PRSS55: variants seen among roughly 807,000 people sequenced by gnomAD.
PRSS55 encodes the protein serine protease 55, also known as probable serine protease UNQ9391/PRO34284.
A neutral mutation model predicts 23.6 loss-of-function variants in PRSS55; 41 were observed. The ratio of observed to expected loss-of-function variants is 1.74; its 90% confidence interval spans 1.35 to 2.26. PRSS55 has a LOEUF of 2.26. Ranked by LOEUF, PRSS55 falls within the 30% of genes most tolerant of loss-of-function variation. PRSS55 has a pLI of 0.00. For missense variants in PRSS55, 669 were observed against 439.1 expected, an observed-to-expected ratio of 1.52 and a Z score of -4.68; for synonymous variants, 262 against 175.5, an observed-to-expected ratio of 1.49 and a Z score of -3.90.
At chr8:10,525,812 G>A (rs565901807) in intron 1 of PRSS55, 73 bp downstream of exon 1, 156 of 1,473,358 alleles carry the variant, frequency 1.1e-4, no homozygotes, top group East Asian at 2.5e-4. Flanking sequence ...AGGGTGGATC[G>A]CAGAGCACAA....
At chr8:10,548,319 G>A (rs7842540) in intron 4 of PRSS55, among the ~76,000 whole-genome samples, 28,253 of 152,034 alleles carry the variant, frequency 0.19, 2,926 homozygotes, top group East Asian at 0.33. Flanking sequence ...TGGAGACCTG[G>A]GGCAGCCAGG....
Position 10,531,479 on chromosome 8 carries a change from C to T in PRSS55, c.532C>T (p.Pro178Ser), listed in dbSNP as rs1446425554. ...LDDLKVPICL[P>S]TQPGPATWRE... ...TGACCTGAAGGTGCCCATCTGCCTC[C>T]CCACGCAGCCCGGCCCTGCCACATG... Residue 178 changes from proline to serine, a missense_variant, in exon 3 of 5, where the codon CCC becomes TCC. Coordinates refer to ENST00000328655, the MANE Select transcript of PRSS55 (RefSeq NM_198464.4). The T allele has an allele frequency of 1.2e-6, 2 of 1,614,004 alleles. No homozygotes were observed. Among genetic ancestry groups the T allele is most frequent in the Non-Finnish European group, 1.7e-6 (2 of 1,180,054 alleles).
chr8:10,539,937 C>A (rs1010154168), downstream of PRSS55, among the ~76,000 whole-genome samples: 1 of 152,236 alleles, frequency 6.6e-6, no homozygotes, highest in African/African-American at 2.4e-5. Context: ...GGCAGGCAGG[C>A]CTGAGCTCCC....
chr8:10,526,404 G>A (rs1481150972), intron 1 of PRSS55, among the ~76,000 whole-genome samples: 1 of 152,220 alleles, frequency 6.6e-6, no homozygotes, highest in East Asian at 1.9e-4. Flanking sequence ...GCGCCAGGCT[G>A]CATGCCCTGT....
At chr8:10,528,952 G>T (rs117653797) in intron 1 of PRSS55, among the ~76,000 whole-genome samples, 3 of 152,104 alleles carry the variant, frequency 2.0e-5, no homozygotes, top group African/African-American at 4.8e-5. Flanking sequence ...CCCTCTGCCT[G>T]ACTTCCTGCT....
chr8:10,531,495 C>T lies in PRSS55; in HGVS notation c.548C>T (p.Pro183Leu). The T allele has an allele frequency of 6.2e-7, 1 of 1,613,960 alleles. No homozygotes were observed. Among genetic ancestry groups the T allele is most frequent in the Non-Finnish European group, 8.5e-7 (1 of 1,180,056 alleles). Reference sequence around the variant, plus strand: ...ATCTGCCTCCCCACGCAGCCCGGCCCTGCCACATGGCGCGAATGCTGGGTG... The same window carrying T: ...ATCTGCCTCCCCACGCAGCCCGGCCTTGCCACATGGCGCGAATGCTGGGTG... ...VPICLPTQPG[P>L]ATWRECWVAG... Residue 183 changes from proline (P) to leucine (L), a missense_variant, in exon 3 of 5, where the codon CCT (proline) becomes CTT (leucine). Physicochemically the swap from Pro to Leu is moderately conservative, Grantham distance 98. Transcript: ENST00000328655.
intron 1 of PRSS55, among the ~76,000 whole-genome samples, chr8:10,527,954 T>A (rs2117008357): frequency 6.6e-6 from 1 of 152,312 alleles, no homozygotes; most frequent in East Asian, 1.9e-4. Context: ...GGCTCACGCC[T>A]GTAATCCCAG....
intron 4 of PRSS55, among the ~76,000 whole-genome samples, chr8:10,550,724 G>C (rs1025873071): frequency 6.6e-6 from 1 of 152,140 alleles, no homozygotes; most frequent in Admixed American, 6.5e-5. Flanking sequence ...GGTTTTTACT[G>C]TATCAGCTTC....
At chr8:10,550,495 T>A (rs1812928318) in intron 4 of PRSS55, among the ~76,000 whole-genome samples, 1 of 152,168 alleles carries the variant, frequency 6.6e-6, no homozygotes, top group Non-Finnish European at 1.5e-5. Flanking sequence ...CTGGGACCCT[T>A]GATGGGACTT....
intron 4 of PRSS55, among the ~76,000 whole-genome samples, chr8:10,544,006 G>C (rs916501951): frequency 6.6e-6 from 1 of 152,054 alleles, no homozygotes. Context: ...GCTATTATTG[G>C]GTAGCGTGTT....
chr8:10,529,449 C>G, intron 1 of PRSS55, 58 bp from the exon 2 acceptor site: 1 of 1,556,660 alleles, frequency 6.4e-7, no homozygotes, highest in Non-Finnish European at 8.9e-7. Flanking sequence ...CCCCAGCTCA[C>G]ACTGGATGCT....
downstream of PRSS55, among the ~76,000 whole-genome samples, chr8:10,543,606 C>T (rs983895113): frequency 6.6e-6 from 1 of 150,500 alleles, no homozygotes; most frequent in African/African-American, 2.4e-5. Context: ...TTCTAGTATT[C>T]TCTGTTCTAA....
chr8:10,548,702 G>A (rs929314580), intron 4 of PRSS55, among the ~76,000 whole-genome samples: 50 of 152,188 alleles, frequency 3.3e-4, no homozygotes, highest in African/African-American at 1.2e-3. Context: ...GGTGGGACCC[G>A]GCAGCATGAG....
chr8:10,536,084 GC>G (rs1812443186), intron 4 of PRSS55, among the ~76,000 whole-genome samples: 1 of 152,140 alleles, frequency 6.6e-6, no homozygotes, highest in South Asian at 2.1e-4. Context: ...TACTCGGGGG[GC>G]TGAGGCAGGA....
intron 4 of PRSS55, among the ~76,000 whole-genome samples, chr8:10,549,339 C>G (rs1036422923): frequency 1.3e-5 from 2 of 152,184 alleles, no homozygotes; most frequent in African/African-American, 4.8e-5. Flanking sequence ...AGTGAGGGGA[C>G]AGCTGCAGAG....
At chr8:10,541,342 C>T (rs1812650786), downstream of PRSS55, 1 of 152,226 alleles carries the variant, frequency 6.6e-6, no homozygotes, top group Admixed American at 6.5e-5. Context: ...GAGCCTCATC[C>T]AATCCGTTGA....
chr8:10,539,412 C>T (rs911759084), downstream of PRSS55, among the ~76,000 whole-genome samples: 3 of 152,224 alleles, frequency 2.0e-5, no homozygotes, highest in East Asian at 5.8e-4. Context: ...TTACATTACT[C>T]CTGTCCATAA....
rs142994737 is a variant in PRSS55, at chr8:10,538,553, A to C, written c.819A>C (p.Gly273=). Residue 273 remains glycine (G), a synonymous_variant, in exon 5 of 5, where the codon GGA becomes GGC. Transcript: ENST00000328655. ...KWYQVGIISW[G]KSCGEKNTPG... Reference sequence around the variant, plus strand: ...ACCAGGTGGGCATCATAAGCTGGGGAAAGAGCTGTGGAGAGAAGAACACCC... The same window carrying C: ...ACCAGGTGGGCATCATAAGCTGGGGCAAGAGCTGTGGAGAGAAGAACACCC... The C allele has an allele frequency of 2.0e-5, 33 of 1,613,982 alleles. No individual in the cohort carries two copies. Among genetic ancestry groups the C allele is most frequent in the Non-Finnish European group, 2.7e-5 (32 of 1,179,996 alleles).
At position 10,554,155 on chromosome 8, in the gene PRSS55, G is replaced by T. The variant is rs533855680; in HGVS notation, c.*123G>T. On this transcript the variant is annotated 3_prime_UTR_variant, in exon 5 of 5. Transcript: ENST00000522210. ...CAAATGACTGAAAAAATGAATAAAA[G>T]CCTCCCCATTTTCATGATGCTTATG... 6.3e-5 allele frequency: 36 copies of T among 569,536 alleles called. No individual in the cohort carries two copies. The Middle Eastern group carries it at 8.6e-4, about 14-fold the overall frequency. 35.3% of individuals were successfully genotyped at this position (569,536 alleles called of 1,614,324 possible).
Sources: gnomAD v4.1 joint callset for allele counts (sites outside exome capture counted in the v4.1 genomes callset) on GRCh38, gnomAD v4.1.1 for gene constraint, MANE v1.5 for transcripts, NCBI Gene and HGNC (gene_info 2026-07-23, HGNC 2026-07-21) for gene names.